The following CDYL2 variants were observed in gnomAD, a reference collection of about 807,000 sequenced individuals.
The protein encoded by CDYL2 is chromodomain Y like 2.
A neutral mutation model predicts 49.4 loss-of-function variants in CDYL2; 23 were observed. The ratio of observed to expected loss-of-function variants is 0.47; its 90% CI spans 0.34 to 0.66. The LOEUF is 0.66. CDYL2 is among the 30% of genes least tolerant of loss of function. The pLI, the probability that CDYL2 is intolerant of heterozygous loss-of-function variation, is 0.01. For missense variants in CDYL2, 678 were observed against 656.4 expected (o/e 1.03, Z -0.36); for synonymous variants, 360 against 268.8 (o/e 1.34, Z -3.32).
At chr16:80,607,381 T>C (rs1346054136) in intron 6 of CDYL2, among the ~76,000 whole-genome samples, 2 of 151,878 alleles carry the variant, frequency 1.3e-5, no homozygotes, top group Non-Finnish European at 2.9e-5. Flanking sequence ...GGGGCAAGGG[T>C]CTGGCCCCAA....
chr16:80,758,827 C>G (rs1906412175), intron 1 of CDYL2, among the ~76,000 whole-genome samples: 1 of 151,248 alleles, frequency 6.6e-6, no homozygotes, highest in African/African-American at 2.4e-5. Context: ...CAGGCGTGAG[C>G]CACCACGCCC....
chr16:80,623,378 G>C (rs575420139), intron 3 of CDYL2, among the ~76,000 whole-genome samples: 66 of 152,094 alleles, frequency 4.3e-4, no homozygotes, highest in African/African-American at 1.6e-3. Context: ...GATGCAAGTA[G>C]ACTGCTTAGT....
At chr16:80,713,594 G>A (rs1904694927) in intron 1 of CDYL2, among the ~76,000 whole-genome samples, 1 of 152,138 alleles carries the variant, frequency 6.6e-6, no homozygotes, top group African/African-American at 2.4e-5. Flanking sequence ...ATGGCTGGGT[G>A]TGGGTATTTT....
intron 1 of CDYL2, among the ~76,000 whole-genome samples, chr16:80,686,115 G>C (rs1467388527): frequency 1.3e-5 from 2 of 152,198 alleles, no homozygotes; most frequent in African/African-American, 2.4e-5. Context: ...GGCGATACTG[G>C]TGGGATTTGA....
At chr16:80,718,656 G>T (rs1047140535) in intron 1 of CDYL2, among the ~76,000 whole-genome samples, 16 of 152,180 alleles carry the variant, frequency 1.1e-4, no homozygotes, top group Admixed American at 3.3e-4. Context: ...TGGAAGTCCA[G>T]TCTGGCAAGT....
intron 1 of CDYL2, among the ~76,000 whole-genome samples, chr16:80,717,389 C>T (rs534067293): frequency 6.6e-6 from 1 of 152,160 alleles, no homozygotes; most frequent in Admixed American, 6.5e-5. Context: ...CTACAGGGGG[C>T]TGGATATCCT....
intron 3 of CDYL2, among the ~76,000 whole-genome samples, chr16:80,621,822 T>C (rs962850101): frequency 2.0e-5 from 3 of 152,188 alleles, no homozygotes; most frequent in African/African-American, 7.2e-5. Flanking sequence ...TAGGTCTCTA[T>C]GACCTTGTCT....
At chr16:80,691,378 G>A (rs1910408225) in intron 1 of CDYL2, among the ~76,000 whole-genome samples, 1 of 152,220 alleles carries the variant, frequency 6.6e-6, no homozygotes, top group Non-Finnish European at 1.5e-5. Context: ...TCTAGCCAGA[G>A]AAGGCAGTAG....
intron 2 of CDYL2, among the ~76,000 whole-genome samples, chr16:80,683,938 G>C (rs971018266): frequency 1.2e-4 from 18 of 152,312 alleles, no homozygotes; most frequent in African/African-American, 4.1e-4. Context: ...AAGGTGTTTT[G>C]TGACAGCAGC....
At chr16:80,803,121 G>T (rs966236694) in intron 1 of CDYL2, among the ~76,000 whole-genome samples, 1 of 152,190 alleles carries the variant, frequency 6.6e-6, no homozygotes, top group East Asian at 1.9e-4. Flanking sequence ...TCCCTCTGGG[G>T]AGTGGTGGCT....
At chr16:80,763,385 C>A (rs1002941869) in intron 1 of CDYL2, among the ~76,000 whole-genome samples, 2 of 3,790 alleles carry the variant, frequency 5.3e-4, no homozygotes, top group African/African-American at 2.5e-3. Context: ...CCGAGGCGGG[C>A]AGATCACTTG....
chr16:80,694,936 C>G (rs1200358980), intron 1 of CDYL2, among the ~76,000 whole-genome samples: 1 of 152,134 alleles, frequency 6.6e-6, no homozygotes, highest in African/African-American at 2.4e-5. Flanking sequence ...TCCCGATGGC[C>G]AAAACTGGAA....
At chr16:80,691,944 C>A (rs777213806) in intron 1 of CDYL2, among the ~76,000 whole-genome samples, 1 of 152,010 alleles carries the variant, frequency 6.6e-6, no homozygotes, top group African/African-American at 2.4e-5. Context: ...AACCAACATG[C>A]GGGAAATCAC....
intron 6 of CDYL2, 114 bp from the exon 7 acceptor site, chr16:80,604,660 T>TGGAGGAGGCA: frequency 2.7e-6 from 3 of 1,107,164 alleles, no homozygotes; most frequent in Non-Finnish European, 4.0e-6. Flanking sequence ...CAGAGAAGGC[T>TGGAGGAGGCA]GCCTCCTCCA....
intron 3 of CDYL2, 59 bp from the exon 4 acceptor site, chr16:80,620,994 T>G: frequency 6.8e-7 from 1 of 1,470,228 alleles, no homozygotes. Flanking sequence ...GCCTGGGGCT[T>G]TCAGACTGCA....
intron 1 of CDYL2, among the ~76,000 whole-genome samples, chr16:80,703,192 G>T (rs28519634): frequency 0.018 from 2,737 of 152,292 alleles, 53 homozygotes; most frequent in African/African-American, 0.042. Flanking sequence ...TCTCCAGGGA[G>T]CAAGATTAGT....
In CDYL2 at chr16:80,625,219, C is replaced by T. The variant is rs565263548; in HGVS notation, c.835-4284G>A. Reference sequence around the variant, plus strand: ...GCAAGACTGCATTCCTTTGTGGAGGCGCTAAGGGAGAATCATTTTCTTCCC... The same window carrying T: ...GCAAGACTGCATTCCTTTGTGGAGGTGCTAAGGGAGAATCATTTTCTTCCC... On this transcript the variant is annotated intron_variant, in intron 3 of 6. Coordinates refer to ENST00000570137, the MANE Select transcript of CDYL2 (RefSeq NM_152342.4). Among the ~76,000 whole-genome samples, 18 of 152,306 alleles carry T rather than the reference C, an allele frequency of 1.2e-4. No homozygotes were observed. The East Asian group carries it at 1.9e-3, about 16-fold the overall frequency.
At chr16:80,736,695 G>C (rs551429043) in intron 1 of CDYL2, among the ~76,000 whole-genome samples, 1 of 152,336 alleles carries the variant, frequency 6.6e-6, no homozygotes, top group South Asian at 2.1e-4. Context: ...AGGATCACTT[G>C]AGTCTAGGAG....
At chr16:80,768,574 C>T (rs1906805069) in intron 1 of CDYL2, among the ~76,000 whole-genome samples, 1 of 152,190 alleles carries the variant, frequency 6.6e-6, no homozygotes, top group African/African-American at 2.4e-5. Flanking sequence ...AAGGCACGAT[C>T]AAGGTCCCTC....
Sources: allele counts gnomAD v4.1 joint callset (sites outside exome capture counted in the v4.1 genomes callset), GRCh38; gene constraint gnomAD v4.1.1; transcripts MANE v1.5; gene names NCBI Gene and HGNC (gene_info 2026-07-23, HGNC 2026-07-21).